Variants in FBXO11 observed in about 807,000 individuals in gnomAD.
The protein encoded by FBXO11 is F-box only protein 11.
Under a neutral mutation model 117.0 loss-of-function variants are expected in FBXO11, and 13 were observed. The ratio of observed to expected loss-of-function variants is 0.11; its 90% CI spans 0.07 to 0.18. FBXO11 has a LOEUF of 0.18. FBXO11 is among the 10% of genes least tolerant of loss of function. The pLI is 1.00. For synonymous variants in FBXO11, 490 were observed against 380.5 expected (o/e 1.29, Z -3.35); for missense variants, 767 against 1,164.4 (o/e 0.66, Z 4.97).
intron 1 of FBXO11, among the ~76,000 whole-genome samples, chr2:47,848,552 A>G (rs1673598527): frequency 6.6e-6 from 1 of 152,242 alleles, no homozygotes; most frequent in Non-Finnish European, 1.5e-5. Context: ...TAAAAAGTTA[A>G]TACGCAATTT....
At chr2:47,819,144 C>T (rs1671204466) in intron 14 of FBXO11, 66 bp from the exon 15 acceptor site, 13 of 1,514,344 alleles carry the variant, frequency 8.6e-6, no homozygotes, top group Non-Finnish European at 1.2e-5. Context: ...AGTCTGTTAC[C>T]CCCTTTATAG....
At chr2:47,873,053 A>G (rs1177680170) in intron 1 of FBXO11, among the ~76,000 whole-genome samples, 2 of 152,200 alleles carry the variant, frequency 1.3e-5, no homozygotes, top group African/African-American at 4.8e-5. Flanking sequence ...AGAGTAATAA[A>G]GTAGGAACAC....
At chr2:47,871,463 C>G (rs1034076347) in intron 1 of FBXO11, among the ~76,000 whole-genome samples, 2 of 152,186 alleles carry the variant, frequency 1.3e-5, no homozygotes, top group Non-Finnish European at 2.9e-5. Flanking sequence ...TGGGGGTAAT[C>G]TGTCATGAAA....
At chr2:47,853,907 A>G (rs997409492) in intron 1 of FBXO11, among the ~76,000 whole-genome samples, 5 of 152,224 alleles carry the variant, frequency 3.3e-5, no homozygotes, top group African/African-American at 1.2e-4. Flanking sequence ...GATTTCTATT[A>G]CAAAATACTA....
chr2:47,900,489 G>A (rs920837093), intron 1 of FBXO11, among the ~76,000 whole-genome samples: 2 of 151,616 alleles, frequency 1.3e-5, no homozygotes, highest in Non-Finnish European at 2.9e-5. Flanking sequence ...AGTGTCTCCT[G>A]GCTGCTGCAT....
intron 5 of FBXO11, among the ~76,000 whole-genome samples, chr2:47,835,275 T>G (rs890787927): frequency 6.6e-6 from 1 of 152,262 alleles, no homozygotes; most frequent in African/African-American, 2.4e-5. Context: ...CAGCTGAGAC[T>G]CACTCACGAA....
intron 1 of FBXO11, among the ~76,000 whole-genome samples, chr2:47,892,254 T>C (rs1302658995): frequency 1.3e-5 from 2 of 152,218 alleles, no homozygotes; most frequent in African/African-American, 2.4e-5. Context: ...AGCAAAGATA[T>C]GTAAAAGAAT....
chr2:47,855,094 T>C, intron 1 of FBXO11, among the ~76,000 whole-genome samples: 1 of 152,180 alleles, frequency 6.6e-6, no homozygotes, highest in East Asian at 1.9e-4. Flanking sequence ...GTGAGATCAC[T>C]ATATCATTTT....
intron 1 of FBXO11, among the ~76,000 whole-genome samples, chr2:47,866,270 G>A: frequency 6.8e-6 from 1 of 147,800 alleles, no homozygotes; most frequent in Non-Finnish European, 1.5e-5. Context: ...AAAAAAAAGT[G>A]GGAAAGGGAA....
intron 1 of FBXO11, among the ~76,000 whole-genome samples, chr2:47,882,540 T>G (rs553892292): frequency 6.6e-6 from 1 of 152,372 alleles, no homozygotes; most frequent in African/African-American, 2.4e-5. Flanking sequence ...CTGTATTTTC[T>G]AAAACTTAAA....
chr2:47,905,275 G>A (rs1049224080), intron 1 of FBXO11: 3 of 315,288 alleles, frequency 9.5e-6, no homozygotes, highest in Non-Finnish European at 1.6e-5. Context: ...GCCTGAGCGA[G>A]AGCCCAGGCG....
chr2:47,825,944 C>A (rs1478448323), intron 11 of FBXO11, among the ~76,000 whole-genome samples: 1 of 151,822 alleles, frequency 6.6e-6, no homozygotes, highest in South Asian at 2.1e-4. Flanking sequence ...TGCAGTGATA[C>A]AGTAAAAAAA....
chr2:47,820,557 T>C (rs1671307892), intron 13 of FBXO11, 101 bp from the exon 14 acceptor site: 1 of 805,226 alleles, frequency 1.2e-6, no homozygotes, highest in Non-Finnish European at 2.0e-6. Flanking sequence ...ACTAGAATTT[T>C]AGTGACCATT....
Position 47,810,422 on chromosome 2 carries a change from G to A in FBXO11, c.2232C>T (p.Leu744=). 8.1e-6 allele frequency: 13 copies of A among 1,595,666 alleles called. No individual in the cohort carries two copies. Among genetic ancestry groups the A allele is most frequent in the South Asian group, 1.1e-5 (1 of 89,706 alleles). ...TCCTGAAAATATCATTTTCTTCAAG[G>A]AGACCTATAATAAAATATTTCCTTA... The part of the protein sequence containing the change: ...GICIFNGGRG[L]LEENDIFRNA... Residue 744 remains leucine, a synonymous_variant, in exon 19 of 23, where the codon CTC becomes CTT. Transcript: ENST00000403359.
chr2:47,852,988 T>C (rs910301609), intron 1 of FBXO11, among the ~76,000 whole-genome samples: 4 of 152,206 alleles, frequency 2.6e-5, no homozygotes, highest in South Asian at 2.1e-4. Flanking sequence ...CTAAATAATA[T>C]TGGATATATT....
intron 1 of FBXO11, among the ~76,000 whole-genome samples, chr2:47,880,825 T>C (rs1385760291): frequency 6.6e-6 from 1 of 152,252 alleles, no homozygotes; most frequent in East Asian, 1.9e-4. Context: ...CTCTATCTTT[T>C]AAAATACCAG....
intron 1 of FBXO11, among the ~76,000 whole-genome samples, chr2:47,848,536 A>G (rs1353399996): frequency 6.6e-6 from 1 of 152,234 alleles, no homozygotes; most frequent in Non-Finnish European, 1.5e-5. Context: ...CCACTGTCTT[A>G]AAGGATAAAA....
chr2:47,861,587 G>C (rs577386106), intron 1 of FBXO11, among the ~76,000 whole-genome samples: 7 of 152,098 alleles, frequency 4.6e-5, no homozygotes, highest in Admixed American at 1.3e-4. Context: ...CTCCTGAAGT[G>C]CTGGGATTAC....
chr2:47,815,475 C>A (rs890064265), intron 16 of FBXO11, among the ~76,000 whole-genome samples: 2 of 152,100 alleles, frequency 1.3e-5, no homozygotes, highest in African/African-American at 2.4e-5. Flanking sequence ...GAGGCAGGAA[C>A]CAGGAGGGAA....
Sources: gnomAD v4.1 joint callset for allele counts (sites outside exome capture counted in the v4.1 genomes callset) on GRCh38, gnomAD v4.1.1 for gene constraint, MANE v1.5 for transcripts, NCBI Gene and HGNC (gene_info 2026-07-23, HGNC 2026-07-21) for gene names.